PRKAR1B: variants seen among roughly 807,000 people sequenced by gnomAD.
The protein encoded by PRKAR1B is protein kinase cAMP-dependent type I regulatory subunit beta, also known as cAMP-dependent protein kinase type I-beta regulatory subunit.
PRKAR1B carries 22 observed loss-of-function variants against 46.5 expected under a neutral mutation model. The ratio of observed to expected loss-of-function variants is 0.47; its 90% confidence interval spans 0.34 to 0.68. The LOEUF is 0.68. Among genes scored for constraint, PRKAR1B ranks in the 30% least tolerant of loss-of-function variants. PRKAR1B has a pLI of 0.01. For synonymous variants in PRKAR1B, 259 were observed against 217.7 expected (o/e 1.19, Z -1.67); for missense variants, 445 against 535.6 (o/e 0.83, Z 1.67).
At chr7:556,797 G>A (rs930951883) in intron 9 of PRKAR1B, among the ~76,000 whole-genome samples, 2 of 152,232 alleles carry the variant, frequency 1.3e-5, no homozygotes, top group African/African-American at 4.8e-5. Flanking sequence ...CAGTAGAGCT[G>A]TGTCTTGAGC....
Position 566,543 on chromosome 7 carries a change from T to C in PRKAR1B, c.891+12713A>G, listed in dbSNP as rs575064220. ...ATCACCATCATTATGGCCACCACCATCACCATCATTGTCATCACCTTCACA... is the reference window on the plus strand; with the variant it reads ...ATCACCATCATTATGGCCACCACCACCACCATCATTGTCATCACCTTCACA... On this transcript the variant is annotated intron_variant, in intron 9 of 10. Transcript: ENST00000537384. Among the ~76,000 whole-genome samples the C allele has an allele frequency of 9.9e-5, 15 of 151,650 alleles. No homozygotes were observed. The South Asian group carries it at 3.1e-3, about 32-fold the overall frequency.
chr7:663,118 G>C (rs1175529362), intron 4 of PRKAR1B, among the ~76,000 whole-genome samples: 2 of 152,194 alleles, frequency 1.3e-5, no homozygotes, highest in African/African-American at 2.4e-5. Flanking sequence ...TGATGAACAA[G>C]GGCCCACCCG....
chr7:673,045 TAAAAAAAAAAAAAAAAAAAA>T (rs992683667), intron 4 of PRKAR1B, among the ~76,000 whole-genome samples: 18 of 26,554 alleles, frequency 6.8e-4, no homozygotes, highest in Non-Finnish European at 9.9e-4. Context: ...GCCTTGTCTT[TAAAAAAAAAAAAAAAAAAAA>T]AAAAAAAAAA....
At chr7:702,075 G>A (rs1780092487) in intron 2 of PRKAR1B, among the ~76,000 whole-genome samples, 1 of 152,172 alleles carries the variant, frequency 6.6e-6, no homozygotes, top group African/African-American at 2.4e-5. Context: ...GTGTAAAGAT[G>A]ATACGTACAA....
chr7:616,271 G>A (rs1247984197), intron 4 of PRKAR1B, among the ~76,000 whole-genome samples: 4 of 152,228 alleles, frequency 2.6e-5, no homozygotes, highest in East Asian at 3.9e-4. Context: ...GGACAGACTC[G>A]CAGGGCCTGG....
At chr7:726,948 A>T in intron 1 of PRKAR1B, 2 of 1,331,644 alleles carry the variant, frequency 1.5e-6, no homozygotes, top group East Asian at 3.4e-5. Flanking sequence ...GGGCGCGCCT[A>T]CTGCTGCCGC....
chr7:583,396 C>CACTCT (rs1362772922), intron 8 of PRKAR1B, among the ~76,000 whole-genome samples: 2,072 of 149,084 alleles, frequency 0.014, 41 homozygotes, highest in East Asian at 0.055. Context: ...CACTCACACC[C>CACTCT]CCCACACGTG....
chr7:609,117 G>A (rs577698150), intron 4 of PRKAR1B, among the ~76,000 whole-genome samples: 2 of 152,246 alleles, frequency 1.3e-5, no homozygotes, highest in South Asian at 4.1e-4. Context: ...TGGGTGGTGG[G>A]GCTTGGCCAT....
intron 7 of PRKAR1B, among the ~76,000 whole-genome samples, chr7:585,475 TATC>T (rs1226059045): frequency 1.3e-5 from 2 of 152,122 alleles, no homozygotes; most frequent in African/African-American, 4.8e-5. Flanking sequence ...ATTCAAATGG[TATC>T]ATCCACTGAC....
chr7:574,961 C>T (rs1779733651), intron 9 of PRKAR1B, among the ~76,000 whole-genome samples: 1 of 152,194 alleles, frequency 6.6e-6, no homozygotes, highest in Non-Finnish European at 1.5e-5. Context: ...GGTGGAGCGG[C>T]CGGGAGAGCC....
At chr7:583,604 AC>A (rs150160720) in intron 8 of PRKAR1B, among the ~76,000 whole-genome samples, 21 of 104,382 alleles carry the variant, frequency 2.0e-4, no homozygotes, top group Non-Finnish European at 3.1e-4. Context: ...GTGCACACAC[AC>A]CCCCTCACAC....
At chr7:692,428 CAG>C (rs138479588) in intron 2 of PRKAR1B, among the ~76,000 whole-genome samples, 111 of 147,388 alleles carry the variant, frequency 7.5e-4, no homozygotes, top group Admixed American at 9.5e-4. Flanking sequence ...GACAGAGAGA[CAG>C]AGAGAGAGAG....
At chr7:625,808 C>T (rs1783359571) in intron 4 of PRKAR1B, among the ~76,000 whole-genome samples, 1 of 152,012 alleles carries the variant, frequency 6.6e-6, no homozygotes, top group Non-Finnish European at 1.5e-5. Context: ...GAGTTCGAGC[C>T]CAACCTGGCC....
intron 7 of PRKAR1B, among the ~76,000 whole-genome samples, chr7:594,696 A>G (rs568936514): frequency 6.6e-6 from 1 of 151,954 alleles, no homozygotes; most frequent in East Asian, 1.9e-4. Flanking sequence ...CCCCAAGACC[A>G]TGAGGGGACT....
intron 9 of PRKAR1B, 95 bp downstream of exon 9, chr7:579,161 G>A: frequency 6.2e-7 from 1 of 1,603,504 alleles, no homozygotes; most frequent in Non-Finnish European, 8.5e-7. Flanking sequence ...ACTGACTCCA[G>A]AGGGAGGGTG....
At chr7:596,043 T>C in intron 7 of PRKAR1B, 103 bp downstream of exon 7, 1 of 1,431,282 alleles carries the variant, frequency 7.0e-7, no homozygotes, top group Non-Finnish European at 9.5e-7. Flanking sequence ...GTTGGAAGTG[T>C]CTTTTCTCCA....
chr7:589,373 A>T (rs1222794943), intron 7 of PRKAR1B, among the ~76,000 whole-genome samples: 1 of 151,974 alleles, frequency 6.6e-6, no homozygotes, highest in East Asian at 1.9e-4. Flanking sequence ...AAATGGGGTC[A>T]GACACCCCTG....
chr7:726,211 G>C (rs1231008828), intron 1 of PRKAR1B, among the ~76,000 whole-genome samples: 1 of 152,234 alleles, frequency 6.6e-6, no homozygotes, highest in Non-Finnish European at 1.5e-5. Flanking sequence ...GAGATCTAAT[G>C]ACAGGCTGCA....
At chr7:690,688 C>T (rs1371719093) in intron 2 of PRKAR1B, among the ~76,000 whole-genome samples, 1 of 152,148 alleles carries the variant, frequency 6.6e-6, no homozygotes, top group East Asian at 1.9e-4. Flanking sequence ...ATAACAAGTC[C>T]CAGAAGGAAT....
Sources: allele counts gnomAD v4.1 joint callset (sites outside exome capture counted in the v4.1 genomes callset), GRCh38; gene constraint gnomAD v4.1.1; transcripts MANE v1.5; gene names NCBI Gene and HGNC (gene_info 2026-07-23, HGNC 2026-07-21).